Variants in AGBL3 observed in about 807,000 individuals in gnomAD.
The protein encoded by AGBL3 is AGBL carboxypeptidase 3, also known as cytosolic carboxypeptidase 3.
A neutral mutation model predicts 94.5 loss-of-function variants in AGBL3; 68 were observed. The observed-to-expected ratio is 0.72, with a 90% confidence interval of 0.59 to 0.88. AGBL3 has a LOEUF of 0.88. Ranked by LOEUF, AGBL3 falls within the 40% of genes least tolerant of loss-of-function variation. The probability of loss-of-function intolerance (pLI) is 0.00; values close to 1 mark genes in which losing one functional copy is unlikely to be tolerated. For missense variants in AGBL3, 934 were observed against 1,103.8 expected, an observed-to-expected ratio of 0.85 and a Z score of 2.18; for synonymous variants, 354 against 370.7, an observed-to-expected ratio of 0.95 and a Z score of 0.52.
intron 12 of AGBL3, among the ~76,000 whole-genome samples, chr7:135,075,163 T>A (rs80117649): frequency 3.7e-3 from 568 of 152,294 alleles, no homozygotes; most frequent in Non-Finnish European, 6.2e-3. Context: ...ATGCTGACCA[T>A]TTCCATGATC....
chr7:135,062,064 T>C (rs2116707436), intron 12 of AGBL3, among the ~76,000 whole-genome samples: 1 of 152,148 alleles, frequency 6.6e-6, no homozygotes, highest in Non-Finnish European at 1.5e-5. Context: ...TCTTCTTCCA[T>C]TTCTTTTATC....
chr7:135,070,338 C>G (rs954295795), intron 12 of AGBL3, among the ~76,000 whole-genome samples: 29 of 152,152 alleles, frequency 1.9e-4, no homozygotes, highest in African/African-American at 6.8e-4. Flanking sequence ...CTATTCCAAT[C>G]ACTAGAAAAA....
chr7:135,059,321 C>T (rs1443650129), intron 12 of AGBL3, 86 bp downstream of exon 12: 3 of 756,068 alleles, frequency 4.0e-6, no homozygotes, highest in Admixed American at 3.4e-5. Context: ...AAAAAAATTG[C>T]AGATATGTAA....
intron 15 of AGBL3, 28 bp from the exon 16 acceptor site, chr7:135,115,352 T>C (rs1826174050): frequency 1.4e-6 from 2 of 1,389,314 alleles, no homozygotes; most frequent in Non-Finnish European, 2.0e-6. Context: ...TTCATATCTC[T>C]GTACATATTT....
At chr7:135,087,172 C>T (rs1400312654) in intron 15 of AGBL3, among the ~76,000 whole-genome samples, 3 of 151,658 alleles carry the variant, frequency 2.0e-5, no homozygotes, top group South Asian at 4.2e-4. Flanking sequence ...CTTGTATTTC[C>T]GTGTTATCAG....
chr7:135,069,410 A>T (rs1411467135), intron 12 of AGBL3, among the ~76,000 whole-genome samples: 1 of 152,220 alleles, frequency 6.6e-6, no homozygotes, highest in East Asian at 1.9e-4. Context: ...ACCCCAAATC[A>T]ACAGAATATA....
intron 12 of AGBL3, among the ~76,000 whole-genome samples, chr7:135,070,398 C>T (rs112216681): frequency 2.0e-5 from 3 of 152,220 alleles, no homozygotes; most frequent in East Asian, 1.9e-4. Context: ...ATCCTGATAC[C>T]AAAGCTTGGC....
chr7:135,039,205 AC>A (rs1448094033), intron 8 of AGBL3, among the ~76,000 whole-genome samples: 1 of 152,182 alleles, frequency 6.6e-6, no homozygotes, highest in Non-Finnish European at 1.5e-5. Flanking sequence ...TTAATATCAC[AC>A]AAGTATGTTT....
chr7:135,044,235 A>T, intron 9 of AGBL3, 84 bp downstream of exon 9: 1 of 1,272,270 alleles, frequency 7.9e-7, no homozygotes, highest in East Asian at 2.9e-5. Flanking sequence ...AGTACAGACA[A>T]TAGTACTTTC....
chr7:135,076,699 G>A (rs543536818), intron 13 of AGBL3, among the ~76,000 whole-genome samples: 1 of 152,212 alleles, frequency 6.6e-6, no homozygotes, highest in African/African-American at 2.4e-5. Flanking sequence ...ACTCTAAAAA[G>A]TATTTGAGGA....
Position 134,993,641 on chromosome 7 carries a change from C to G in AGBL3, c.273C>G (p.Tyr91Ter), listed in dbSNP as rs1328312820. 6.4e-6 allele frequency: 10 copies of G among 1,551,834 alleles called. No individual in the cohort carries two copies. The highest frequency in any genetic ancestry group is 8.7e-6 in the Non-Finnish European group (10 of 1,146,992). Residue 91 changes from tyrosine (Y) to a stop codon, truncating the protein, a stop_gained, in exon 4 of 17, where the codon TAC (tyrosine) becomes TAG (stop). Transcript: ENST00000436302. LOFTEE classifies it high-confidence loss of function. ...CATTGAGCCCAACACGGTGGCCATA[C>G]CATTGTGAAGTCATCGATGAAAAAG... ...SGPLSPTRWP[Y>*]HCEVIDEKVQ...
intron 15 of AGBL3, among the ~76,000 whole-genome samples, chr7:135,092,103 T>C (rs1368353982): frequency 2.6e-5 from 4 of 152,240 alleles, no homozygotes; most frequent in Non-Finnish European, 4.4e-5. Flanking sequence ...ATGTAAATGC[T>C]TTCCTTACTT....
At chr7:135,076,251 C>A in intron 12 of AGBL3, 146 bp from the exon 13 acceptor site, 4 of 617,618 alleles carry the variant, frequency 6.5e-6, no homozygotes. Flanking sequence ...TTATATGATA[C>A]CCAGAATTTT....
chr7:135,057,056 T>TA (rs1318008488), intron 11 of AGBL3, among the ~76,000 whole-genome samples: 1 of 151,864 alleles, frequency 6.6e-6, no homozygotes, highest in Non-Finnish European at 1.5e-5. Flanking sequence ...TAAAACAAAA[T>TA]AGAGAACCCA....
intron 15 of AGBL3, among the ~76,000 whole-genome samples, chr7:135,098,092 CAGTT>C (rs944955192): frequency 4.6e-5 from 7 of 152,098 alleles, no homozygotes; most frequent in Non-Finnish European, 8.8e-5. Context: ...AAATGACAAA[CAGTT>C]AGTCTACCAA....
intron 16 of AGBL3, among the ~76,000 whole-genome samples, chr7:135,124,229 A>AC (rs1827543749): frequency 6.6e-6 from 1 of 151,954 alleles, no homozygotes. Flanking sequence ...GCAAAAAAAA[A>AC]AAAAGTAGGG....
At chr7:134,998,912 T>C (rs1563167868) in intron 4 of AGBL3, among the ~76,000 whole-genome samples, 1 of 152,162 alleles carries the variant, frequency 6.6e-6, no homozygotes, top group Non-Finnish European at 1.5e-5. Flanking sequence ...CTTCTCCAGA[T>C]CCACCATAAA....
At chr7:135,051,429 T>C (rs1027777099) in intron 11 of AGBL3, among the ~76,000 whole-genome samples, 7 of 152,168 alleles carry the variant, frequency 4.6e-5, no homozygotes, top group Non-Finnish European at 7.4e-5. Context: ...GACATGACTC[T>C]CATAGTCTTC....
chr7:135,088,108 GT>G (rs979756426), intron 15 of AGBL3, among the ~76,000 whole-genome samples: 3 of 151,946 alleles, frequency 2.0e-5, no homozygotes, highest in Admixed American at 2.0e-4. Context: ...CTTAAAGTCT[GT>G]TTTATCTGAT....
Sources: gnomAD v4.1 joint callset for allele counts (sites outside exome capture counted in the v4.1 genomes callset) on GRCh38, gnomAD v4.1.1 for gene constraint, MANE v1.5 for transcripts, NCBI Gene and HGNC (gene_info 2026-07-23, HGNC 2026-07-21) for gene names.